Variants in ARHGAP18 observed in about 807,000 individuals in gnomAD.
ARHGAP18 encodes rho GTPase-activating protein 18.
In ARHGAP18, 67 loss-of-function variants were observed where a neutral mutation model predicts 86.2. The ratio of observed to expected loss-of-function variants is 0.78; its 90% CI spans 0.64 to 0.95. The LOEUF (loss-of-function observed/expected upper bound fraction) is 0.95, where lower values mean the gene tolerates loss of function less well. Among genes scored for constraint, ARHGAP18 ranks in the 40% least tolerant of loss-of-function variants. The pLI is 0.00. For missense variants in ARHGAP18, 691 were observed against 780.4 expected (o/e 0.89, Z 1.37); for synonymous variants, 283 against 280.4 (o/e 1.01, Z -0.09).
At chr6:129,679,113 G>T (rs938919159) in intron 1 of ARHGAP18, among the ~76,000 whole-genome samples, 1 of 152,116 alleles carries the variant, frequency 6.6e-6, no homozygotes, top group Non-Finnish European at 1.5e-5. Context: ...ATCCATTTGG[G>T]TTTTATCTCT....
At chr6:129,679,531 A>G (rs1413710463) in intron 1 of ARHGAP18, among the ~76,000 whole-genome samples, 4 of 152,270 alleles carry the variant, frequency 2.6e-5, no homozygotes, top group African/African-American at 9.6e-5. Flanking sequence ...TCCCAGATTT[A>G]TAGTTATGTT....
intron 5 of ARHGAP18, among the ~76,000 whole-genome samples, chr6:129,624,503 G>A (rs979564745): frequency 1.3e-5 from 2 of 151,744 alleles, no homozygotes; most frequent in African/African-American, 2.4e-5. Context: ...GTGACAGAGC[G>A]AGATTCCATC....
intron 5 of ARHGAP18, among the ~76,000 whole-genome samples, chr6:129,628,380 AGTT>A (rs1773088587): frequency 6.6e-6 from 1 of 152,334 alleles, no homozygotes; most frequent in South Asian, 2.1e-4. Context: ...GCACCAGGTT[AGTT>A]GTTGTTTCAG....
At chr6:129,676,183 T>C (rs774663738) in intron 1 of ARHGAP18, among the ~76,000 whole-genome samples, 4 of 152,212 alleles carry the variant, frequency 2.6e-5, no homozygotes, top group Non-Finnish European at 5.9e-5. Context: ...TCACATCTTA[T>C]GCAGTTGGTC....
chr6:129,668,619 T>A (rs890463638), intron 1 of ARHGAP18, among the ~76,000 whole-genome samples: 2 of 152,154 alleles, frequency 1.3e-5, no homozygotes, highest in African/African-American at 2.4e-5. Flanking sequence ...TCCCCCACTA[T>A]GGCCAAACAG....
At chr6:129,708,550 G>C (rs1691090995) in intron 1 of ARHGAP18, among the ~76,000 whole-genome samples, 1 of 152,154 alleles carries the variant, frequency 6.6e-6, no homozygotes, top group South Asian at 2.1e-4. Flanking sequence ...TAATCCCTGG[G>C]GTTTGAGTCC....
intron 2 of ARHGAP18, 33 bp downstream of exon 2, chr6:129,641,782 CA>C: frequency 6.4e-7 from 1 of 1,572,136 alleles, no homozygotes; most frequent in Non-Finnish European, 8.7e-7. Context: ...AATACATATA[CA>C]AACAACAAAA....
At chr6:129,638,139 T>C (rs1773371547) in intron 3 of ARHGAP18, among the ~76,000 whole-genome samples, 1 of 152,206 alleles carries the variant, frequency 6.6e-6, no homozygotes, top group African/African-American at 2.4e-5. Flanking sequence ...TCACTTGTAA[T>C]GCTCCAAGGA....
chr6:129,585,419 T>C (rs1788377218), intron 12 of ARHGAP18, among the ~76,000 whole-genome samples: 1 of 152,230 alleles, frequency 6.6e-6, no homozygotes, highest in Non-Finnish European at 1.5e-5. Context: ...AAAATGTAGG[T>C]ACCCTAAAAG....
intron 1 of ARHGAP18, among the ~76,000 whole-genome samples, chr6:129,685,051 C>T (rs1344183579): frequency 1.3e-5 from 2 of 152,108 alleles, no homozygotes; most frequent in South Asian, 2.1e-4. Flanking sequence ...CTGGACACAG[C>T]GTAGTAATTA....
intron 4 of ARHGAP18, among the ~76,000 whole-genome samples, chr6:129,631,790 CTG>C (rs1403467678): frequency 1.3e-5 from 2 of 150,612 alleles, no homozygotes; most frequent in African/African-American, 4.9e-5. Flanking sequence ...TTTCTTTCCT[CTG>C]TAGAAATTCA....
intron 14 of ARHGAP18, among the ~76,000 whole-genome samples, chr6:129,578,816 T>TTTTGTATGCA (rs1183228480): frequency 6.6e-6 from 1 of 151,992 alleles, no homozygotes; most frequent in Non-Finnish European, 1.5e-5. Flanking sequence ...ATACAAAAAT[T>TTTTGTATGCA]AGCTAGGCAT....
intron 1 of ARHGAP18, among the ~76,000 whole-genome samples, chr6:129,693,757 G>C (rs567708643): frequency 5.1e-4 from 74 of 145,744 alleles, no homozygotes; most frequent in African/African-American, 1.7e-3. Flanking sequence ...TCTGGGACCA[G>C]TTATTTCATG....
At chr6:129,615,921 C>A (rs562133362) in intron 7 of ARHGAP18, among the ~76,000 whole-genome samples, 1 of 152,160 alleles carries the variant, frequency 6.6e-6, no homozygotes, top group East Asian at 1.9e-4. Flanking sequence ...AATTTATAAG[C>A]AGTTCCCACT....
intron 1 of ARHGAP18, among the ~76,000 whole-genome samples, chr6:129,671,693 G>A (rs911232381): frequency 3.3e-5 from 5 of 152,120 alleles, no homozygotes; most frequent in South Asian, 2.1e-4. Context: ...GGTAAACAGA[G>A]TAAGACTCTG....
chr6:129,670,073 G>C (rs1354381325), intron 1 of ARHGAP18, among the ~76,000 whole-genome samples: 2 of 151,972 alleles, frequency 1.3e-5, no homozygotes, highest in Admixed American at 1.3e-4. Context: ...TTCTCCTCAG[G>C]CACTTATGCT....
At chr6:129,668,665 C>A (rs879623261) in intron 1 of ARHGAP18, among the ~76,000 whole-genome samples, 5 of 152,144 alleles carry the variant, frequency 3.3e-5, no homozygotes, top group Admixed American at 2.6e-4. Context: ...ACTTTTCCTA[C>A]CCCAGAAGCC....
intron 12 of ARHGAP18, among the ~76,000 whole-genome samples, chr6:129,593,975 CA>C (rs1788566772): frequency 6.6e-6 from 1 of 152,130 alleles, no homozygotes. Context: ...GTTTTAATAG[CA>C]TACAAAATTA....
chr6:129,632,075 T>G (rs1430049105), intron 4 of ARHGAP18, among the ~76,000 whole-genome samples: 1 of 152,148 alleles, frequency 6.6e-6, no homozygotes, highest in Non-Finnish European at 1.5e-5. Flanking sequence ...ATGTCACCCA[T>G]GCCTTCAAAT....
Sources: allele counts gnomAD v4.1 joint callset (sites outside exome capture counted in the v4.1 genomes callset), GRCh38; gene constraint gnomAD v4.1.1; transcripts MANE v1.5; gene names NCBI Gene and HGNC (gene_info 2026-07-23, HGNC 2026-07-21).